UBXN7: variants seen among roughly 807,000 people sequenced by gnomAD.
The protein encoded by UBXN7 is UBX domain-containing protein 7.
A neutral mutation model predicts 58.0 loss-of-function variants in UBXN7; 9 were observed. The ratio of observed to expected loss-of-function variants is 0.16; its 90% CI spans 0.09 to 0.27. UBXN7 has a LOEUF of 0.27. Ranked by LOEUF, UBXN7 falls within the 10% of genes least tolerant of loss-of-function variation. The pLI is 1.00. For missense variants in UBXN7, 328 were observed against 599.6 expected (o/e 0.55, Z 4.73); for synonymous variants, 208 against 205.0 (o/e 1.01, Z -0.12).
intron 5 of UBXN7, among the ~76,000 whole-genome samples, chr3:196,378,788 T>G (rs901226900): frequency 2.6e-5 from 4 of 151,038 alleles, no homozygotes; most frequent in Non-Finnish European, 5.9e-5. Flanking sequence ...TTTTGGGGGG[T>G]TTTAGCCAGC....
intron 5 of UBXN7, among the ~76,000 whole-genome samples, chr3:196,383,008 C>A (rs1179585719): frequency 6.6e-6 from 1 of 151,430 alleles, no homozygotes; most frequent in African/African-American, 2.4e-5. Context: ...CCCAGCTACT[C>A]GAGAGGCTGA....
chr3:196,348,103 C>T lies in UBXN7; in HGVS notation c.*8582G>A, dbSNP rs1043240373. ...GTCTTAGCCAGTAGTTACAACTCTGCGTTACCTAATGGCATGTTTTTCTCC... is the reference window on the plus strand; with the variant it reads ...GTCTTAGCCAGTAGTTACAACTCTGTGTTACCTAATGGCATGTTTTTCTCC... On this transcript the variant is annotated 3_prime_UTR_variant, in exon 11 of 11. Coordinates refer to ENST00000296328, the MANE Select transcript of UBXN7 (RefSeq NM_015562.2). 2 of 152,076 alleles carry T rather than the reference C, an allele frequency of 1.3e-5. No individual in the cohort carries two copies. Among genetic ancestry groups the T allele is most frequent in the African/African-American group, 4.8e-5 (2 of 41,394 alleles). 9.4% of individuals were successfully genotyped at this position (152,076 alleles called of 1,614,324 possible).
chr3:196,423,781 T>C (rs1027218342), intron 1 of UBXN7, among the ~76,000 whole-genome samples: 5 of 152,146 alleles, frequency 3.3e-5, no homozygotes, highest in African/African-American at 1.2e-4. Context: ...AACTCTAAGA[T>C]TCTGAAGCAC....
rs1266584301 is a variant in UBXN7, at chr3:196,393,964, G to T, written c.290-345C>A. Among the ~76,000 whole-genome samples the T allele has an allele frequency of 2.6e-5, 4 of 152,246 alleles. No individual in the cohort carries two copies. The East Asian group carries it at 7.7e-4, about 29-fold the overall frequency. On this transcript the variant is annotated intron_variant, in intron 3 of 10. Coordinates refer to ENST00000296328, the MANE Select transcript of UBXN7 (RefSeq NM_015562.2). ...TTACAAATGAGAAAATTCAGGCCCA[G>T]TTACAATAGACTTAATCAAACTTGT...
intron 4 of UBXN7, 62 bp downstream of exon 4, chr3:196,393,492 C>A (rs1174798169): frequency 1.3e-6 from 2 of 1,497,120 alleles, no homozygotes; most frequent in African/African-American, 2.8e-5. Flanking sequence ...TAATAGTAAT[C>A]ATCTTTGTCT....
intron 4 of UBXN7, 54 bp downstream of exon 4, chr3:196,393,500 T>C: frequency 1.3e-6 from 2 of 1,531,952 alleles, no homozygotes; most frequent in South Asian, 2.4e-5. Context: ...ATCATCTTTG[T>C]CTTTTTAATA....
At chr3:196,403,156 AT>A (rs1273199994) in intron 2 of UBXN7, 137 bp from the exon 3 acceptor site, 14 of 893,430 alleles carry the variant, frequency 1.6e-5, no homozygotes, top group East Asian at 5.8e-5. Context: ...TTGTGTTGCT[AT>A]TTTTTTGGGG....
intron 1 of UBXN7, among the ~76,000 whole-genome samples, chr3:196,408,097 CAAAAAAAA>C (rs71621241): frequency 4.4e-5 from 2 of 45,248 alleles, no homozygotes; most frequent in Non-Finnish European, 8.2e-5. Context: ...GACTCTGTCT[CAAAAAAAA>C]AAAAAAAAAA....
chr3:196,431,821 A>G, intron 1 of UBXN7: 1 of 404,752 alleles, frequency 2.5e-6, no homozygotes, highest in East Asian at 7.8e-5. Flanking sequence ...CGAACCCGCC[A>G]GGGCCACGGC....
At chr3:196,394,364 A>C (rs1220893108) in intron 3 of UBXN7, among the ~76,000 whole-genome samples, 1 of 150,742 alleles carries the variant, frequency 6.6e-6, no homozygotes, top group Non-Finnish European at 1.5e-5. Flanking sequence ...GCATTTTGGG[A>C]AGCCAAGGCA....
chr3:196,390,800 A>C (rs1490594263), intron 5 of UBXN7, among the ~76,000 whole-genome samples: 1 of 152,208 alleles, frequency 6.6e-6, no homozygotes, highest in East Asian at 1.9e-4. Flanking sequence ...TTGTAATTCA[A>C]AAGAGCATTA....
chr3:196,366,140 A>G lies in UBXN7; in HGVS notation c.834+1888T>C, dbSNP rs77847002. 3.7e-4 allele frequency among the ~76,000 whole-genome samples: 57 copies of G among 152,220 alleles called. 1 individual carries two copies. The East Asian group carries it at 7.5e-3, about 20-fold the overall frequency. Reference sequence around the variant, plus strand: ...CCATCCTGGCCAACAAGATTTCTATACTATCCCTTAGGGCTTTTCCTTAAA... The same window carrying G: ...CCATCCTGGCCAACAAGATTTCTATGCTATCCCTTAGGGCTTTTCCTTAAA... On this transcript the variant is annotated intron_variant, in intron 8 of 10. Transcript: ENST00000296328.
chr3:196,357,675 T>C lies in UBXN7; in HGVS notation c.1309-829A>G, dbSNP rs1035616882. Among the ~76,000 whole-genome samples, 6 of 152,084 alleles carry C rather than the reference T, an allele frequency of 3.9e-5. No homozygotes were observed. The East Asian group carries it at 1.2e-3, about 29-fold the overall frequency. ...AAGTTCGAGACCAGTCTGGCCAACA[T>C]GGTGAAATCCCGTCTCTACTAAAAA... On this transcript the variant is annotated intron_variant, in intron 10 of 10. Coordinates refer to ENST00000296328, the MANE Select transcript of UBXN7 (RefSeq NM_015562.2).
Position 196,430,361 on chromosome 3 carries a change from A to AAAT in UBXN7, c.73+1963_73+1965dup, listed in dbSNP as rs34017536. ...TGGGCAACACAGCGAGACTGTCTCA[A>AAAT]AATAATAATAATAATAATAATAATA... On this transcript the variant is annotated intron_variant, in intron 1 of 10. Transcript: ENST00000296328. Among the ~76,000 whole-genome samples the AAAT allele has an allele frequency of 7.6e-3, 1,134 of 150,098 alleles. 7 individuals carry two copies. The highest frequency in any genetic ancestry group is 8.2e-3 in the African/African-American group (335 of 40,980).
intron 5 of UBXN7, among the ~76,000 whole-genome samples, chr3:196,382,372 C>T (rs1339797522): frequency 1.3e-5 from 2 of 152,186 alleles, no homozygotes; most frequent in Non-Finnish European, 2.9e-5. Context: ...CCCAGAATTT[C>T]ATATCCAGCC....
chr3:196,394,996 C>A (rs1729725671), intron 3 of UBXN7, among the ~76,000 whole-genome samples: 1 of 152,082 alleles, frequency 6.6e-6, no homozygotes, highest in African/African-American at 2.4e-5. Flanking sequence ...TGTTATCTTC[C>A]TATATCTATG....
At chr3:196,405,323 A>C (rs965289863) in intron 2 of UBXN7, among the ~76,000 whole-genome samples, 1 of 152,082 alleles carries the variant, frequency 6.6e-6, no homozygotes. Context: ...TAAGAAAATT[A>C]GCCGGGCGTG....
intron 3 of UBXN7, among the ~76,000 whole-genome samples, chr3:196,394,559 C>T (rs1409438951): frequency 2.0e-5 from 3 of 148,850 alleles, no homozygotes; most frequent in South Asian, 2.1e-4. Flanking sequence ...GCCAAGATCA[C>T]GCCACTGCAC....
chr3:196,368,179 A>G, intron 7 of UBXN7, 24 bp from the exon 8 acceptor site: 3 of 1,590,268 alleles, frequency 1.9e-6, no homozygotes, highest in Non-Finnish European at 2.6e-6. Context: ...ACCAAGATCT[A>G]TAAATAAATA....
Sources: gnomAD v4.1 joint callset for allele counts (sites outside exome capture counted in the v4.1 genomes callset) on GRCh38, gnomAD v4.1.1 for gene constraint, MANE v1.5 for transcripts, NCBI Gene and HGNC (gene_info 2026-07-23, HGNC 2026-07-21) for gene names.